Variants in TCF4 observed in about 807,000 individuals in gnomAD.
The protein encoded by TCF4 is transcription factor 4, also known as SL3-3 enhancer factor 2.
TCF4 carries 3 observed loss-of-function variants against 82.1 expected under a neutral mutation model. That is an observed-to-expected ratio of 0.04 (90% CI 0.02 to 0.09). The LOEUF is 0.09. Among genes scored for constraint, TCF4 ranks in the 10% least tolerant of loss-of-function variants. The pLI, the probability that TCF4 is intolerant of heterozygous loss-of-function variation, is 1.00. For synonymous variants in TCF4, 276 were observed against 309.6 expected (o/e 0.89, Z 1.14); for missense variants, 518 against 852.7 (o/e 0.61, Z 4.89).
intron 11 of TCF4, chr18:55,266,368 T>C (rs985657699): frequency 2.6e-5 from 4 of 152,262 alleles, no homozygotes; most frequent in East Asian, 3.9e-4. Context: ...TTGAAAAAGT[T>C]TGAAGAACTG....
chr18:55,470,880 A>T (rs929719159), intron 3 of TCF4, among the ~76,000 whole-genome samples: 1 of 152,138 alleles, frequency 6.6e-6, no homozygotes, highest in Admixed American at 6.5e-5. Flanking sequence ...AATCATTCTG[A>T]AACACAATGA....
intron 3 of TCF4, among the ~76,000 whole-genome samples, chr18:55,470,126 G>A (rs1249695078): frequency 1.3e-5 from 2 of 152,182 alleles, no homozygotes; most frequent in Admixed American, 1.3e-4. Context: ...GGGGATGATA[G>A]TATTTGCAAG....
intron 9 of TCF4, 102 bp downstream of exon 9, chr18:55,279,449 A>G: frequency 6.4e-7 from 1 of 1,552,476 alleles, no homozygotes; most frequent in Non-Finnish European, 8.8e-7. Flanking sequence ...CAAAAATTCT[A>G]CACTTGCCTA....
At position 55,463,948 on chromosome 18, in the gene TCF4, CTGTGTG is replaced by C. The variant is rs151196106; in HGVS notation, c.207+122_207+127del. Reference sequence around the variant, plus strand: ...TGTGTGCGTGTGCATGCCCATGCCTCTGTGTGTGTGTGTGTGTGTGTGTGTGTGTGA... The same window carrying C: ...TGTGTGCGTGTGCATGCCCATGCCTCTGTGTGTGTGTGTGTGTGTGTGTGA... On this transcript the variant is annotated intron_variant, in intron 4 of 19. Coordinates refer to ENST00000354452, the MANE Select transcript of TCF4 (RefSeq NM_001083962.2). 1,363 of 701,538 alleles carry C rather than the reference CTGTGTG, an allele frequency of 1.9e-3. 1 individual carries two copies. The highest frequency in any genetic ancestry group is 7.9e-3 in the East Asian group (292 of 36,892). The allele number at this position is 701,538 out of a possible 1,614,324, so 43.5% of individuals were successfully genotyped here.
intron 3 of TCF4, among the ~76,000 whole-genome samples, chr18:55,529,632 C>T (rs1164147903): frequency 2.6e-5 from 4 of 152,050 alleles, no homozygotes; most frequent in Non-Finnish European, 5.9e-5. Flanking sequence ...AGATTTACTT[C>T]CTGCTGAGCT....
chr18:55,279,120 A>C (rs2062022299), intron 9 of TCF4, among the ~76,000 whole-genome samples: 1 of 152,182 alleles, frequency 6.6e-6, no homozygotes, highest in South Asian at 2.1e-4. Context: ...CCTACAAATT[A>C]GTAAGTGGGT....
intron 8 of TCF4, among the ~76,000 whole-genome samples, chr18:55,305,602 G>A (rs1407700343): frequency 6.6e-6 from 1 of 152,128 alleles, no homozygotes; most frequent in Non-Finnish European, 1.5e-5. Flanking sequence ...TAGGATTACG[G>A]AATGGTATCA....
intron 3 of TCF4, among the ~76,000 whole-genome samples, chr18:55,471,956 A>AGAAAG (rs2096193354): frequency 6.6e-6 from 1 of 152,172 alleles, no homozygotes; most frequent in African/African-American, 2.4e-5. Context: ...TAAAGGGTAG[A>AGAAAG]TATGCTGGTG....
At chr18:55,349,318 T>C (rs1402517669) in intron 8 of TCF4, among the ~76,000 whole-genome samples, 2 of 152,170 alleles carry the variant, frequency 1.3e-5, no homozygotes, top group Admixed American at 6.6e-5. Flanking sequence ...TCAAGTCAAA[T>C]ACACAGGTGT....
chr18:55,337,423 G>A (rs766729595), intron 8 of TCF4, among the ~76,000 whole-genome samples: 5 of 152,168 alleles, frequency 3.3e-5, no homozygotes, highest in Non-Finnish European at 5.9e-5. Flanking sequence ...ATGGCAACTC[G>A]CTCTTTTTGC....
At chr18:55,417,017 A>G (rs551967792) in intron 5 of TCF4, among the ~76,000 whole-genome samples, 1 of 152,342 alleles carries the variant, frequency 6.6e-6, no homozygotes, top group Admixed American at 6.5e-5. Flanking sequence ...ATTATATCTG[A>G]CAAGTTAAAT....
At chr18:55,302,516 T>C (rs780389413) in intron 8 of TCF4, 1 of 1,536,078 alleles carries the variant, frequency 6.5e-7, no homozygotes, top group South Asian at 1.2e-5. Context: ...TGGTCAGACA[T>C]GGCTGACAGC....
rs147448141 is a variant in TCF4 at position 55,470,076 on chromosome 18, C to T, written c.146-5939G>A. Among the ~76,000 whole-genome samples, 99 of 152,126 alleles carry T rather than the reference C, an allele frequency of 6.5e-4. 1 individual carries two copies. Among genetic ancestry groups the T allele is most frequent in the Middle Eastern group, 6.8e-3 (2 of 294 alleles). On this transcript the variant is annotated intron_variant, in intron 3 of 19. Transcript: ENST00000354452. ...AGTCAAGGAGAACAGAAGTGAAAAC[C>T]CAAGACATACCCCAAAGTCAGTATT...
chr18:55,437,367 C>G (rs1389414265), intron 5 of TCF4, among the ~76,000 whole-genome samples: 3 of 151,954 alleles, frequency 2.0e-5, no homozygotes, highest in Non-Finnish European at 4.4e-5. Context: ...ATTTGATGAA[C>G]AATTAAAATA....
intron 9 of TCF4, 82 bp from the exon 10 acceptor site, chr18:55,275,834 A>G (rs2061413232): frequency 6.5e-7 from 1 of 1,548,384 alleles, no homozygotes. Flanking sequence ...ATACTTGAAA[A>G]TGACTGCCTG....
At chr18:55,621,871 CTATA>C (rs2097720824) in intron 2 of TCF4, among the ~76,000 whole-genome samples, 3 of 102,332 alleles carry the variant, frequency 2.9e-5, no homozygotes, top group Non-Finnish European at 5.3e-5. Flanking sequence ...TATATATACA[CTATA>C]TATAATATAT....
At chr18:55,350,782 G>T in intron 7 of TCF4, 92 bp downstream of exon 7, 1 of 1,576,514 alleles carries the variant, frequency 6.3e-7, no homozygotes, top group Non-Finnish European at 8.7e-7. Context: ...TGGGGTGGGA[G>T]GTAGGATGGG....
intron 6 of TCF4, among the ~76,000 whole-genome samples, chr18:55,381,744 T>C (rs1458078190): frequency 1.3e-5 from 2 of 152,184 alleles, no homozygotes; most frequent in Non-Finnish European, 2.9e-5. Flanking sequence ...CCCGCTTTCA[T>C]TACATTGCAT....
intron 8 of TCF4, among the ~76,000 whole-genome samples, chr18:55,288,658 C>G (rs2064286903): frequency 6.6e-6 from 1 of 152,200 alleles, no homozygotes; most frequent in African/African-American, 2.4e-5. Flanking sequence ...GAGAAGAACA[C>G]AAGATCATCT....
Sources: gnomAD v4.1 joint callset for allele counts (sites outside exome capture counted in the v4.1 genomes callset) on GRCh38, gnomAD v4.1.1 for gene constraint, MANE v1.5 for transcripts, NCBI Gene and HGNC (gene_info 2026-07-23, HGNC 2026-07-21) for gene names.